The following DDX60 variants were observed in gnomAD, a reference collection of about 807,000 sequenced individuals.
The protein encoded by DDX60 is DExD/H-box helicase 60.
Under a neutral mutation model 212.8 loss-of-function variants are expected in DDX60, and 165 were observed. That is an observed-to-expected ratio of 0.78 (90% confidence interval 0.68 to 0.88). The LOEUF (loss-of-function observed/expected upper bound fraction) is 0.88, where lower values mean the gene tolerates loss of function less well. Ranked by LOEUF, DDX60 falls within the 40% of genes least tolerant of loss-of-function variation. DDX60 has a pLI of 0.00. For synonymous variants in DDX60, 703 were observed against 685.3 expected, an observed-to-expected ratio of 1.03 and a Z score of -0.40; for missense variants, 1,905 against 2,003.9, an observed-to-expected ratio of 0.95 and a Z score of 0.94.
chr4:168,287,069 T>G lies in DDX60; in HGVS notation c.1318A>C (p.Lys440Gln). 1.2e-6 allele frequency: 2 copies of G among 1,606,478 alleles called. No homozygotes were observed. The highest frequency in any genetic ancestry group is 3.5e-4 in the Middle Eastern group (2 of 5,716). The change falls in exon 10 of 38, where the codon AAG (lysine) becomes CAG (glutamine). Residue 440 changes from lysine (K) to glutamine (Q), a missense_variant. Coordinates refer to ENST00000393743, the MANE Select transcript of DDX60 (RefSeq NM_017631.6). ...TTACCTTTGATTGGTGATGGTTTCT[T>G]TTCAAGAAAACAAACTTTTGTTGTT... ...LRTTKVCFLE[K>Q]KPSPIKDSSN... is the part of the protein sequence containing the mutation.
chr4:168,286,556 G>A (rs1735868963), intron 10 of DDX60, among the ~76,000 whole-genome samples: 1 of 151,926 alleles, frequency 6.6e-6, no homozygotes, highest in African/African-American at 2.4e-5. Context: ...TGCTCTGCCT[G>A]GGATCCTCCT....
intron 37 of DDX60, among the ~76,000 whole-genome samples, chr4:168,219,123 A>C (rs1211833317): frequency 6.7e-6 from 1 of 148,262 alleles, no homozygotes; most frequent in Non-Finnish European, 1.5e-5. Context: ...CTGTACTAAA[A>C]TACCAAAAAA....
intron 28 of DDX60, among the ~76,000 whole-genome samples, chr4:168,250,290 C>T (rs1351816130): frequency 6.6e-6 from 1 of 151,746 alleles, no homozygotes; most frequent in African/African-American, 2.4e-5. Context: ...ACCTATAATC[C>T]CAGCACTTTG....
At chr4:168,250,184 A>T (rs1248697083) in intron 28 of DDX60, among the ~76,000 whole-genome samples, 1 of 152,208 alleles carries the variant, frequency 6.6e-6, no homozygotes, top group African/African-American at 2.4e-5. Flanking sequence ...GAACATAGAT[A>T]TATTTCATGG....
chr4:168,306,424 T>A lies in DDX60; in HGVS notation c.561A>T (p.Ala187=), dbSNP rs774792558. The A allele has an allele frequency of 5.0e-6, 8 of 1,613,926 alleles. No individual in the cohort carries two copies. Among genetic ancestry groups the A allele is most frequent in the Non-Finnish European group, 5.9e-6 (7 of 1,179,954 alleles). ...GTCTGTACATGCTTGGAAGAAGGTA[T>A]GCATAAAGGCAAAGAACATCAGATT... ...GQESDVLCLY[A]YLLPSMYRHQ... Residue 187 remains alanine (A), a synonymous_variant, in exon 5 of 38, where the codon GCA becomes GCT. Transcript: ENST00000393743.
chr4:168,262,866 C>A (rs937236159), intron 22 of DDX60, 79 bp from the exon 23 acceptor site: 2 of 908,170 alleles, frequency 2.2e-6, no homozygotes, highest in Non-Finnish European at 3.2e-6. Context: ...ACTATCATAA[C>A]CCAAAGACAC....
At position 168,274,035 on chromosome 4, in the gene DDX60, CAACA is replaced by C; in HGVS notation, c.2349_2352del (p.Ile783MetfsTer20). 2 of 1,614,194 alleles carry C rather than the reference CAACA, an allele frequency of 1.2e-6. No homozygotes were observed. Among genetic ancestry groups the C allele is most frequent in the East Asian group, 4.5e-5 (2 of 44,882 alleles). On this transcript the variant is annotated frameshift_variant, in exon 17 of 38. Coordinates refer to ENST00000393743, the MANE Select transcript of DDX60 (RefSeq NM_017631.6). LOFTEE classifies it high-confidence loss of function. The stretch of plus-strand genomic sequence containing the variant: ...TAGGTTTTGCCTGAGGACGTTGGGG[CAACA>C]ATCACTGCTGACTCATTCTTATCCA...
rs942095013 is a variant in DDX60 at position 168,291,660 on chromosome 4, T to TC, written c.1041+87dup. The TC allele has an allele frequency of 3.2e-6, 4 of 1,250,570 alleles. No homozygotes were observed. In the African/African-American group the frequency reaches 6.2e-5, roughly 19 times the overall value. 77.5% of individuals were successfully genotyped at this position (1,250,570 alleles called of 1,614,324 possible). On this transcript the variant is annotated intron_variant, in intron 8 of 37. Coordinates refer to ENST00000393743, the MANE Select transcript of DDX60 (RefSeq NM_017631.6). Reference sequence around the variant, plus strand: ...ATAGCCCCCAAGGGGCTAATAGTAGTCCCACATAAGAGAATTTTGAAAGTT... The same window carrying TC: ...ATAGCCCCCAAGGGGCTAATAGTAGTCCCCACATAAGAGAATTTTGAAAGTT...
At chr4:168,301,059 C>A (rs1467409930) in intron 6 of DDX60, among the ~76,000 whole-genome samples, 1 of 152,134 alleles carries the variant, frequency 6.6e-6, no homozygotes, top group East Asian at 1.9e-4. Context: ...ATTCATGTAA[C>A]AAACCTGCAT....
At chr4:168,319,461 A>T (rs573474089), upstream of DDX60, among the ~76,000 whole-genome samples, 1 of 152,334 alleles carries the variant, frequency 6.6e-6, no homozygotes, top group Admixed American at 6.5e-5. Flanking sequence ...CAATACATGA[A>T]CTTTGAGTTT....
At chr4:168,314,089 G>T (rs116773967) in intron 1 of DDX60, among the ~76,000 whole-genome samples, 1 of 152,094 alleles carries the variant, frequency 6.6e-6, no homozygotes, top group African/African-American at 2.4e-5. Flanking sequence ...AAGACAATGC[G>T]TGTAAAGCCT....
rs1183489662 is a variant in DDX60 at position 168,262,770 on chromosome 4, G to A, written c.3057C>T (p.Phe1019=). The A allele has an allele frequency of 6.2e-7, 1 of 1,606,038 alleles. No individual in the cohort carries two copies. Among genetic ancestry groups the A allele is most frequent in the Non-Finnish European group, 8.5e-7 (1 of 1,175,666 alleles). The change falls in exon 23 of 38, where the codon TTC becomes TTT. Residue 1019 remains phenylalanine, a synonymous_variant. Transcript: ENST00000393743. ...LTTDHIERYG[F]PPDLTLSPRE... is the part of the protein sequence containing the mutation. ...GAGGTGAAAGGGTAAGATCAGGAGG[G>A]AATCCATACCTTTCAATCTGTTTAA...
intron 33 of DDX60, among the ~76,000 whole-genome samples, chr4:168,231,081 C>A (rs533922400): frequency 2.0e-5 from 3 of 151,676 alleles, no homozygotes; most frequent in Non-Finnish European, 4.4e-5. Flanking sequence ...AACACCTTTA[C>A]GCACACAAAC....
intron 30 of DDX60, among the ~76,000 whole-genome samples, chr4:168,238,425 A>G (rs1369988995): frequency 0.038 from 40 of 1,044 alleles, no homozygotes; most frequent in Non-Finnish European, 0.067. Context: ...GAGGGGAGGG[A>G]AGGGAAGGGA....
chr4:168,294,064 A>T, intron 6 of DDX60, 119 bp from the exon 7 acceptor site: 1 of 845,958 alleles, frequency 1.2e-6, no homozygotes. Context: ...AATCTGTACA[A>T]CAAACCCCCG....
intron 1 of DDX60, among the ~76,000 whole-genome samples, chr4:168,312,749 T>TA (rs1737196268): frequency 1.6e-5 from 1 of 62,896 alleles, no homozygotes; most frequent in Non-Finnish European, 3.0e-5. Flanking sequence ...TAGATAGATA[T>TA]GATAGAGAGA....
intron 7 of DDX60, among the ~76,000 whole-genome samples, chr4:168,292,690 T>C (rs997899626): frequency 6.6e-6 from 1 of 152,112 alleles, no homozygotes; most frequent in African/African-American, 2.4e-5. Context: ...AGAACACGGG[T>C]AAAGAAGTGG....
intron 6 of DDX60, among the ~76,000 whole-genome samples, chr4:168,294,298 G>A (rs577085591): frequency 8.0e-4 from 122 of 152,178 alleles, no homozygotes; most frequent in Admixed American, 3.1e-3. Context: ...ACTTGAAAGT[G>A]TAAAACTACT....
At chr4:168,283,855 C>T (rs533833805) in intron 12 of DDX60, among the ~76,000 whole-genome samples, 8 of 152,012 alleles carry the variant, frequency 5.3e-5, no homozygotes, top group South Asian at 2.1e-4. Flanking sequence ...AAAAAAATGA[C>T]GGATTCCATT....
Sources: gnomAD v4.1 joint callset for allele counts (sites outside exome capture counted in the v4.1 genomes callset) on GRCh38, gnomAD v4.1.1 for gene constraint, MANE v1.5 for transcripts, NCBI Gene and HGNC (gene_info 2026-07-23, HGNC 2026-07-21) for gene names.